The following CACNB2 variants were observed in gnomAD, a reference collection of about 807,000 sequenced individuals.
The protein encoded by CACNB2 is calcium voltage-gated channel auxiliary subunit beta 2.
A neutral mutation model predicts 73.3 loss-of-function variants in CACNB2; 42 were observed. The observed-to-expected ratio is 0.57, with a 90% CI of 0.45 to 0.74. The LOEUF is 0.74. Ranked by LOEUF, CACNB2 falls within the 30% of genes least tolerant of loss-of-function variation. The pLI is 0.00. For synonymous variants in CACNB2, 348 were observed against 310.3 expected (o/e 1.12, Z -1.28); for missense variants, 940 against 853.0 (o/e 1.10, Z -1.27).
chr10:18,271,363 G>C (rs753728725), intron 2 of CACNB2, among the ~76,000 whole-genome samples: 23 of 152,146 alleles, frequency 1.5e-4, no homozygotes, highest in Non-Finnish European at 2.5e-4. Context: ...CTGATTGAAA[G>C]CACGAAATTG....
At chr10:18,536,311 T>G in intron 12 of CACNB2, 115 bp downstream of exon 12, 1 of 633,118 alleles carries the variant, frequency 1.6e-6, no homozygotes, top group Non-Finnish European at 2.7e-6. Flanking sequence ...ATGTTGGGAG[T>G]GCAGTGGTAT....
At chr10:18,193,839 T>G (rs1183749838) in intron 2 of CACNB2, among the ~76,000 whole-genome samples, 3 of 152,200 alleles carry the variant, frequency 2.0e-5, no homozygotes, top group Non-Finnish European at 4.4e-5. Flanking sequence ...GAAGCATCAG[T>G]CACTCAAACA....
chr10:18,400,952 G>A, intron 2 of CACNB2: 5 of 1,607,198 alleles, frequency 3.1e-6, no homozygotes, highest in Non-Finnish European at 3.4e-6. Flanking sequence ...GAAAGGAGCT[G>A]GGGTTCTCCG....
chr10:18,480,381 T>C (rs560978552), intron 3 of CACNB2, among the ~76,000 whole-genome samples: 91 of 152,302 alleles, frequency 6.0e-4, no homozygotes, highest in African/African-American at 2.1e-3. Flanking sequence ...ACAAGCCCGT[T>C]GGTTTAATAG....
At chr10:18,366,349 T>C (rs1034504111) in intron 2 of CACNB2, among the ~76,000 whole-genome samples, 7 of 151,176 alleles carry the variant, frequency 4.6e-5, no homozygotes, top group Non-Finnish European at 8.8e-5. Flanking sequence ...CCTGTAATCC[T>C]AGCTCCTCAG....
At chr10:18,374,972 T>A (rs897940758) in intron 2 of CACNB2, among the ~76,000 whole-genome samples, 1 of 152,092 alleles carries the variant, frequency 6.6e-6, no homozygotes, top group Admixed American at 6.6e-5. Context: ...TCCCTAAGAT[T>A]TAGCCTAAGG....
chr10:18,282,375 C>A (rs924138811), intron 2 of CACNB2, among the ~76,000 whole-genome samples: 1 of 152,170 alleles, frequency 6.6e-6, no homozygotes, highest in East Asian at 1.9e-4. Context: ...TCAGCCCCCT[C>A]CGTGTGTGAG....
At chr10:18,437,412 C>T (rs1321095752) in intron 3 of CACNB2, among the ~76,000 whole-genome samples, 4 of 152,158 alleles carry the variant, frequency 2.6e-5, no homozygotes, top group African/African-American at 7.2e-5. Context: ...AACCAAATAG[C>T]GTATCGTTGA....
intron 2 of CACNB2, chr10:18,151,183 G>C: frequency 2.0e-6 from 1 of 505,530 alleles, no homozygotes; most frequent in Non-Finnish European, 3.4e-6. Context: ...CTGGCAAGTT[G>C]AGGAAAGAGA....
chr10:18,372,236 T>G (rs2042617934), intron 2 of CACNB2, among the ~76,000 whole-genome samples: 1 of 152,232 alleles, frequency 6.6e-6, no homozygotes, highest in South Asian at 2.1e-4. Context: ...TTTTGGCTTT[T>G]GTTGCCATTG....
chr10:18,153,815 C>G (rs1171082904), intron 2 of CACNB2, among the ~76,000 whole-genome samples: 1 of 148,626 alleles, frequency 6.7e-6, no homozygotes, highest in Non-Finnish European at 1.5e-5. Context: ...CTCCTGACCT[C>G]AGGTGATCCG....
chr10:18,198,073 T>C (rs952489608), intron 2 of CACNB2, among the ~76,000 whole-genome samples: 3 of 148,058 alleles, frequency 2.0e-5, no homozygotes, highest in African/African-American at 7.4e-5. Flanking sequence ...TTAATGTATG[T>C]AACATATTAA....
At chr10:18,496,185 C>CA (rs57139534) in intron 3 of CACNB2, among the ~76,000 whole-genome samples, 4,400 of 83,900 alleles carry the variant, frequency 0.052, 210 homozygotes, top group African/African-American at 0.085. Flanking sequence ...GACTCAGTCT[C>CA]AAAAAAAAAA....
intron 3 of CACNB2, among the ~76,000 whole-genome samples, chr10:18,444,675 C>G (rs1294643867): frequency 6.6e-6 from 1 of 152,150 alleles, no homozygotes; most frequent in African/African-American, 2.4e-5. Flanking sequence ...TTAATCCGCT[C>G]TGCTATGCTA....
intron 2 of CACNB2, among the ~76,000 whole-genome samples, chr10:18,231,279 T>G (rs11812123): frequency 0.047 from 7,152 of 152,160 alleles, 588 homozygotes; most frequent in African/African-American, 0.16. Context: ...CAGGTTCAAG[T>G]GATTCTCCTG....
intron 2 of CACNB2, among the ~76,000 whole-genome samples, chr10:18,207,490 A>T (rs1307797141): frequency 6.6e-6 from 1 of 152,220 alleles, no homozygotes; most frequent in African/African-American, 2.4e-5. Context: ...CTTGGAAGGC[A>T]TCCCTCATGG....
At chr10:18,449,299 G>A (rs2046900844) in intron 3 of CACNB2, among the ~76,000 whole-genome samples, 1 of 152,094 alleles carries the variant, frequency 6.6e-6, no homozygotes, top group African/African-American at 2.4e-5. Flanking sequence ...GCAGGAGAAT[G>A]GTGTGAACCT....
At chr10:18,367,125 CA>C (rs2042386567) in intron 2 of CACNB2, among the ~76,000 whole-genome samples, 1 of 152,136 alleles carries the variant, frequency 6.6e-6, no homozygotes, top group Non-Finnish European at 1.5e-5. Flanking sequence ...CATTTTTCAT[CA>C]TTTTTTTAAC....
chr10:18,496,910 A>G (rs2132995234), intron 3 of CACNB2, among the ~76,000 whole-genome samples: 1 of 151,756 alleles, frequency 6.6e-6, no homozygotes. Context: ...TATCATGTAT[A>G]TAAGAAATAC....
Sources: gnomAD v4.1 joint callset for allele counts (sites outside exome capture counted in the v4.1 genomes callset) on GRCh38, gnomAD v4.1.1 for gene constraint, MANE v1.5 for transcripts, NCBI Gene and HGNC (gene_info 2026-07-23, HGNC 2026-07-21) for gene names.